TMEFF2: variants seen among roughly 807,000 people sequenced by gnomAD.
The protein encoded by TMEFF2 is transmembrane protein with EGF like and two follistatin like domains 2.
Under a neutral mutation model 53.8 loss-of-function variants are expected in TMEFF2, and 28 were observed. The observed-to-expected ratio is 0.52, with a 90% confidence interval of 0.39 to 0.71. TMEFF2 has a LOEUF of 0.71. Ranked by LOEUF, TMEFF2 falls within the 30% of genes least tolerant of loss-of-function variation. TMEFF2 has a pLI of 0.00. For missense variants in TMEFF2, 353 were observed against 455.2 expected, an observed-to-expected ratio of 0.78 and a Z score of 2.04; for synonymous variants, 162 against 166.3, an observed-to-expected ratio of 0.97 and a Z score of 0.20.
intron 4 of TMEFF2, among the ~76,000 whole-genome samples, chr2:192,152,394 G>C (rs951031005): frequency 6.6e-6 from 1 of 151,794 alleles, no homozygotes; most frequent in Admixed American, 6.6e-5. Context: ...GATTGCTGTT[G>C]TAATCATTTC....
At chr2:191,997,138 C>T (rs1407002458) in intron 7 of TMEFF2, among the ~76,000 whole-genome samples, 2 of 151,878 alleles carry the variant, frequency 1.3e-5, no homozygotes. Context: ...AATTTCTCTC[C>T]TGGACGCTTT....
At position 192,047,516 on chromosome 2, in the gene TMEFF2, G is replaced by A. The variant is rs528201218; in HGVS notation, c.536+10163C>T. 3.3e-5 allele frequency among the ~76,000 whole-genome samples: 5 copies of A among 152,272 alleles called. No individual in the cohort carries two copies. In the East Asian group the frequency reaches 9.7e-4, roughly 29 times the overall value. ...GAAAGGCTGCAATAAATAAAAGAGAGCTGTGGTAAACAATCTTCAGAAGAT... is the reference window on the plus strand; with the variant it reads ...GAAAGGCTGCAATAAATAAAAGAGAACTGTGGTAAACAATCTTCAGAAGAT... On this transcript the variant is annotated intron_variant, in intron 5 of 9. Coordinates refer to ENST00000272771, the MANE Select transcript of TMEFF2 (RefSeq NM_016192.4).
intron 5 of TMEFF2, among the ~76,000 whole-genome samples, chr2:192,008,864 A>G (rs1384772762): frequency 6.6e-6 from 1 of 152,190 alleles, no homozygotes; most frequent in Non-Finnish European, 1.5e-5. Flanking sequence ...TCACTTGACA[A>G]AAGGCTTTTA....
At position 191,999,205 on chromosome 2, in the gene TMEFF2, A is replaced by G; in HGVS notation, c.540T>C (p.Cys180=). The stretch of plus-strand genomic sequence containing the variant: ...TTTGAGAACAGTCAATATTACACAC[A>G]CACCTAAAAAAAGAGAGAAATAAAA... The part of the protein sequence containing the change: ...ECDEDAEDVW[C]VCNIDCSQTN... The change falls in exon 6 of 10, where the codon TGT becomes TGC. Residue 180 remains cysteine (C), a synonymous_variant. Coordinates refer to ENST00000272771, the MANE Select transcript of TMEFF2 (RefSeq NM_016192.4). The G allele has an allele frequency of 1.3e-6, 2 of 1,585,510 alleles. No homozygotes were observed. The highest frequency in any genetic ancestry group is 1.7e-6 in the Non-Finnish European group (2 of 1,161,794).
At chr2:191,966,849 T>C (rs1692485851) in intron 7 of TMEFF2, among the ~76,000 whole-genome samples, 2 of 152,188 alleles carry the variant, frequency 1.3e-5, no homozygotes, top group African/African-American at 2.4e-5. Context: ...GTGATCAGTT[T>C]GGTTTTCTAC....
chr2:191,984,902 C>A (rs769394185), intron 7 of TMEFF2, among the ~76,000 whole-genome samples: 5 of 152,052 alleles, frequency 3.3e-5, no homozygotes, highest in Non-Finnish European at 5.9e-5. Flanking sequence ...AAGAGTCCAT[C>A]ATCCTTATCA....
chr2:192,109,567 A>T (rs1689227856), intron 4 of TMEFF2, among the ~76,000 whole-genome samples: 1 of 152,156 alleles, frequency 6.6e-6, no homozygotes, highest in African/African-American at 2.4e-5. Context: ...GTTATAGATA[A>T]GATAAAAATA....
At chr2:192,166,800 T>G (rs1690780470) in intron 4 of TMEFF2, among the ~76,000 whole-genome samples, 1 of 152,148 alleles carries the variant, frequency 6.6e-6, no homozygotes, top group Non-Finnish European at 1.5e-5. Flanking sequence ...TATTATTGCT[T>G]AAGAAAAAAT....
intron 7 of TMEFF2, among the ~76,000 whole-genome samples, chr2:191,990,763 GGTGT>G (rs34545329): frequency 6.6e-4 from 89 of 134,656 alleles, no homozygotes; most frequent in African/African-American, 1.7e-3. Flanking sequence ...CTCTTTGCGG[GGTGT>G]GTGTGTGTGT....
chr2:192,087,218 C>T (rs76949423), intron 4 of TMEFF2, among the ~76,000 whole-genome samples: 2 of 152,006 alleles, frequency 1.3e-5, no homozygotes, highest in Non-Finnish European at 2.9e-5. Context: ...TATGTCTTAA[C>T]TTTGCAAGAT....
chr2:191,967,046 AAG>A (rs1553508273), intron 7 of TMEFF2, among the ~76,000 whole-genome samples: 2 of 152,106 alleles, frequency 1.3e-5, no homozygotes, highest in African/African-American at 4.8e-5. Context: ...GAAAAAAAAA[AAG>A]GAAACTGAAA....
chr2:191,988,613 A>G (rs1269590856), intron 7 of TMEFF2, among the ~76,000 whole-genome samples: 1 of 152,124 alleles, frequency 6.6e-6, no homozygotes, highest in Admixed American at 6.6e-5. Flanking sequence ...GGACAAATGG[A>G]GCTTGATTTT....
intron 7 of TMEFF2, among the ~76,000 whole-genome samples, chr2:191,996,006 A>G (rs1686213301): frequency 6.7e-6 from 1 of 149,764 alleles, no homozygotes. Context: ...CCTATGCCTA[A>G]TAAAGCAGTA....
At chr2:192,146,653 A>ATG (rs955595558) in intron 4 of TMEFF2, among the ~76,000 whole-genome samples, 2 of 151,758 alleles carry the variant, frequency 1.3e-5, no homozygotes, top group Admixed American at 1.3e-4. Context: ...GTGTGTGTGT[A>ATG]TGTGTGTGTG....
At chr2:191,982,920 A>G (rs1401188335) in intron 7 of TMEFF2, among the ~76,000 whole-genome samples, 1 of 152,184 alleles carries the variant, frequency 6.6e-6, no homozygotes, top group African/African-American at 2.4e-5. Flanking sequence ...ATTAGAAACA[A>G]TAATTCATTT....
intron 7 of TMEFF2, among the ~76,000 whole-genome samples, chr2:191,965,461 T>A (rs1227732699): frequency 6.6e-6 from 1 of 152,164 alleles, no homozygotes; most frequent in African/African-American, 2.4e-5. Flanking sequence ...CCTCTCGAAA[T>A]ATGTTTTCCA....
At chr2:191,981,877 A>G (rs1685861353) in intron 7 of TMEFF2, among the ~76,000 whole-genome samples, 1 of 152,170 alleles carries the variant, frequency 6.6e-6, no homozygotes, top group Non-Finnish European at 1.5e-5. Context: ...CTTCCACATG[A>G]ATAGATTTCG....
chr2:192,083,306 T>C (rs1051274833), intron 4 of TMEFF2, among the ~76,000 whole-genome samples: 2 of 152,116 alleles, frequency 1.3e-5, no homozygotes, highest in Admixed American at 6.5e-5. Context: ...CATCAGGTGA[T>C]CTGAAGGCTG....
chr2:192,083,973 A>G (rs1346711272), intron 4 of TMEFF2, among the ~76,000 whole-genome samples: 2 of 152,216 alleles, frequency 1.3e-5, no homozygotes, highest in Admixed American at 6.5e-5. Context: ...TGCTCTTATT[A>G]CTACCACCAC....
Sources: allele counts gnomAD v4.1 joint callset (sites outside exome capture counted in the v4.1 genomes callset), GRCh38; gene constraint gnomAD v4.1.1; transcripts MANE v1.5; gene names NCBI Gene and HGNC (gene_info 2026-07-23, HGNC 2026-07-21).